ZNF431: variants seen among roughly 807,000 people sequenced by gnomAD.
The protein encoded by ZNF431 is zinc finger protein 431.
In ZNF431, 34 loss-of-function variants were observed where a neutral mutation model predicts 57.0. That is an observed-to-expected ratio of 0.60 (90% CI 0.45 to 0.79). ZNF431 has a LOEUF of 0.79. Ranked by LOEUF, ZNF431 falls within the 30% of genes least tolerant of loss-of-function variation. The pLI, the probability that ZNF431 is intolerant of heterozygous loss-of-function variation, is 0.00. For missense variants in ZNF431, 607 were observed against 667.1 expected (o/e 0.91, Z 0.99); for synonymous variants, 207 against 220.3 (o/e 0.94, Z 0.54).
Position 21,193,277 on chromosome 19 carries a change from C to G in ZNF431, c.*9243C>G, listed in dbSNP as rs527739151. Reference sequence around the variant, plus strand: ...CACGAGGTGGCTCACGCCTGTAATCCCAGCACTTTGGAAGGCCGAGGTGGG... The same window carrying G: ...CACGAGGTGGCTCACGCCTGTAATCGCAGCACTTTGGAAGGCCGAGGTGGG... On this transcript the variant is annotated 3_prime_UTR_variant, in exon 5 of 5. Transcript: ENST00000311048. The G allele has an allele frequency of 2.2e-4, 34 of 152,292 alleles. No individual in the cohort carries two copies. The highest frequency in any genetic ancestry group is 6.5e-4 in the African/African-American group (27 of 41,544). 9.4% of individuals were successfully genotyped at this position (152,292 alleles called of 1,614,324 possible). A position where few individuals can be genotyped will look rare whatever the true frequency, so the allele number is the denominator to read the frequency against.
chr19:21,144,083 T>C (rs950481701), intron 2 of ZNF431, among the ~76,000 whole-genome samples: 5 of 151,388 alleles, frequency 3.3e-5, no homozygotes, highest in Non-Finnish European at 7.4e-5. Context: ...AGACACACAT[T>C]TGTTTTTTAA....
Position 21,183,164 on chromosome 19 carries a change from A to G in ZNF431, c.861A>G (p.Pro287=), listed in dbSNP as rs756613588. The change falls in exon 5 of 5, where the codon CCA becomes CCG. Residue 287 remains proline, a synonymous_variant. Transcript: ENST00000311048. ...AGATAATTCATACTGGGGAGAAACCATATAGATGTGAAGAATGTGGCAAAG... is the reference window on the plus strand; with the variant it reads ...AGATAATTCATACTGGGGAGAAACCGTATAGATGTGAAGAATGTGGCAAAG... ...THKIIHTGEK[P]YRCEECGKAF... 7.6e-5 allele frequency: 122 copies of G among 1,612,844 alleles called. No individual in the cohort carries two copies. The highest frequency in any genetic ancestry group is 8.9e-5 in the Non-Finnish European group (105 of 1,179,690).
At chr19:21,145,224 C>T (rs892028982) in intron 2 of ZNF431, among the ~76,000 whole-genome samples, 1 of 152,100 alleles carries the variant, frequency 6.6e-6, no homozygotes, top group Non-Finnish European at 1.5e-5. Context: ...GCCTGTAATC[C>T]CAGCACTTTG....
Position 21,195,271 on chromosome 19 carries a change from T to A in ZNF431, c.*11237T>A, listed in dbSNP as rs1971585112. On this transcript the variant is annotated 3_prime_UTR_variant, in exon 5 of 5. Coordinates refer to ENST00000311048, the MANE Select transcript of ZNF431 (RefSeq NM_133473.4). ...TTTCTGCTGCTTCTTAAGATGCTTT[T>A]AATGAATAAAATCTGCCTTAAAATT... is the stretch of plus-strand genomic sequence containing the variant. The A allele has an allele frequency of 6.6e-6, 1 of 152,264 alleles. No homozygotes were observed. Among genetic ancestry groups the A allele is most frequent in the Non-Finnish European group, 1.5e-5 (1 of 68,048 alleles). 9.4% of individuals were successfully genotyped at this position (152,264 alleles called of 1,614,324 possible).
chr19:21,147,511 TA>T (rs1158460191), intron 2 of ZNF431, among the ~76,000 whole-genome samples: 7 of 149,412 alleles, frequency 4.7e-5, no homozygotes, highest in Non-Finnish European at 8.9e-5. Context: ...AAAAAAAAAA[TA>T]GAACATCTGT....
rs536832862 is a variant in ZNF431 at position 21,180,780 on chromosome 19, C to G, written c.320-1843C>G. Among the ~76,000 whole-genome samples, 24 of 152,116 alleles carry G rather than the reference C, an allele frequency of 1.6e-4. 1 individual carries two copies. Among genetic ancestry groups the G allele is most frequent in the South Asian group, 1.2e-3 (6 of 4,810 alleles). On this transcript the variant is annotated intron_variant, in intron 4 of 4. Coordinates refer to ENST00000311048, the MANE Select transcript of ZNF431 (RefSeq NM_133473.4). ...TGGCCAATATGGTGAAACCCTATCT[C>G]TACTAAAAATACAAAAATTAGCTGG... is the stretch of plus-strand genomic sequence containing the variant.
rs762427208 is a variant in ZNF431, at chr19:21,182,594, G to A, written c.320-29G>A. 2.1e-5 allele frequency: 32 copies of A among 1,558,286 alleles called. No individual in the cohort carries two copies. In the South Asian group the frequency reaches 3.7e-4, roughly 18 times the overall value. ...TATGTTTATCAGAGTCTAGTAAGTT[G>A]AATAATTTGTTGTTTGTATTTCTTT... On this transcript the variant is annotated intron_variant, in intron 4 of 4. Coordinates refer to ENST00000311048, the MANE Select transcript of ZNF431 (RefSeq NM_133473.4).
Position 21,167,626 on chromosome 19 carries a change from C to G in ZNF431, c.279C>G (p.Pro93=), listed in dbSNP as rs776793511. ...PVTCLEQEKE[P]WNMKRHEMVD... is the part of the protein sequence containing the mutation. ...CCTGTCTGGAGCAAGAAAAAGAGCC[C>G]TGGAATATGAAGAGACATGAGATGG... The change falls in exon 4 of 5, where the codon CCC becomes CCG. Residue 93 remains proline (P), a synonymous_variant. Transcript: ENST00000311048. 6.9e-6 allele frequency: 11 copies of G among 1,587,644 alleles called. No homozygotes were observed. The highest frequency in any genetic ancestry group is 8.6e-6 in the Non-Finnish European group (10 of 1,166,226).
intron 2 of ZNF431, among the ~76,000 whole-genome samples, chr19:21,161,166 CTAAATAAA>C (rs10600309): frequency 6.7e-6 from 1 of 150,282 alleles, no homozygotes; most frequent in African/African-American, 2.5e-5. Context: ...AGTTCCATCT[CTAAATAAA>C]TAAATAAATA....
chr19:21,149,870 C>T (rs867143993), intron 2 of ZNF431: 9 of 644,090 alleles, frequency 1.4e-5, no homozygotes, highest in African/African-American at 5.4e-5. Flanking sequence ...GTGGACTAGA[C>T]GTCCTAGTCT....
intron 4 of ZNF431, among the ~76,000 whole-genome samples, 153 bp downstream of exon 4, chr19:21,167,819 T>A (rs1599601247): frequency 6.6e-6 from 1 of 152,340 alleles, no homozygotes; most frequent in Non-Finnish European, 1.5e-5. Context: ...AATTTTTTCT[T>A]ACATAGGGAC....
At chr19:21,180,878 C>T (rs955310839) in intron 4 of ZNF431, among the ~76,000 whole-genome samples, 4 of 149,050 alleles carry the variant, frequency 2.7e-5, no homozygotes, top group South Asian at 2.2e-4. Flanking sequence ...ACCCAGGAGG[C>T]GGATGTTGCC....
intron 2 of ZNF431, among the ~76,000 whole-genome samples, chr19:21,147,146 C>G (rs1405743498): frequency 9.9e-5 from 15 of 152,070 alleles, no homozygotes; most frequent in Non-Finnish European, 1.9e-4. Flanking sequence ...AATGTTTTTT[C>G]TCTATTCTAA....
At chr19:21,144,471 T>G (rs1806938285) in intron 2 of ZNF431, among the ~76,000 whole-genome samples, 1 of 152,144 alleles carries the variant, frequency 6.6e-6, no homozygotes, top group Non-Finnish European at 1.5e-5. Context: ...CCTAAAGTGC[T>G]GGGATTGCAG....
intron 2 of ZNF431, among the ~76,000 whole-genome samples, chr19:21,150,913 C>G (rs924696192): frequency 2.7e-5 from 4 of 150,928 alleles, no homozygotes; most frequent in Non-Finnish European, 5.9e-5. Flanking sequence ...TATCCACCTT[C>G]AATTTTTGGA....
At chr19:21,179,394 C>T (rs1971148480) in intron 4 of ZNF431, among the ~76,000 whole-genome samples, 1 of 151,916 alleles carries the variant, frequency 6.6e-6, no homozygotes. Context: ...TATTTCTTGT[C>T]TTCTGCTAGC....
intron 4 of ZNF431, among the ~76,000 whole-genome samples, chr19:21,172,289 A>G (rs1262928599): frequency 2.0e-5 from 3 of 151,300 alleles, no homozygotes; most frequent in Non-Finnish European, 4.4e-5. Flanking sequence ...TTAGCCAGAC[A>G]TGGTGGTGTA....
chr19:21,192,925 T>C lies in ZNF431; in HGVS notation c.*8891T>C, dbSNP rs984339620. On this transcript the variant is annotated 3_prime_UTR_variant, in exon 5 of 5. Coordinates refer to ENST00000311048, the MANE Select transcript of ZNF431 (RefSeq NM_133473.4). ...CATACATACAAAAAAAGTCAGAGACTACTATGAACATCTCTATGCCTGCAA... is the reference window on the plus strand; with the variant it reads ...CATACATACAAAAAAAGTCAGAGACCACTATGAACATCTCTATGCCTGCAA... 55 of 152,316 alleles carry C rather than the reference T, an allele frequency of 3.6e-4. No homozygotes were observed. Among genetic ancestry groups the C allele is most frequent in the African/African-American group, 1.1e-3 (44 of 41,584 alleles). The allele number at this position is 152,316 out of a possible 1,614,324, so 9.4% of individuals were successfully genotyped here.
intron 2 of ZNF431, among the ~76,000 whole-genome samples, chr19:21,156,792 G>A (rs2144960690): frequency 6.6e-6 from 1 of 150,606 alleles, no homozygotes. Context: ...TAATTTATTT[G>A]GAGACTGTGT....
Sources: gnomAD v4.1 joint callset for allele counts (sites outside exome capture counted in the v4.1 genomes callset) on GRCh38, gnomAD v4.1.1 for gene constraint, MANE v1.5 for transcripts, NCBI Gene and HGNC (gene_info 2026-07-23, HGNC 2026-07-21) for gene names.